CDH13: variants seen among roughly 807,000 people sequenced by gnomAD.
CDH13 encodes the protein cadherin 13.
CDH13 carries 24 observed loss-of-function variants against 63.8 expected under a neutral mutation model. The observed-to-expected ratio is 0.38, with a 90% CI of 0.27 to 0.53. The LOEUF (loss-of-function observed/expected upper bound fraction) is 0.53. Ranked by LOEUF, CDH13 falls within the 20% of genes least tolerant of loss-of-function variation. The probability of loss-of-function intolerance (pLI) is 0.85; values close to 1 mark genes in which losing one functional copy is unlikely to be tolerated. For missense variants in CDH13, 1,049 were observed against 903.1 expected (o/e 1.16, Z -2.07); for synonymous variants, 503 against 355.3 (o/e 1.42, Z -4.67).
At chr16:82,895,082 A>G (rs1315902957) in intron 2 of CDH13, among the ~76,000 whole-genome samples, 3 of 152,170 alleles carry the variant, frequency 2.0e-5, no homozygotes, top group African/African-American at 7.2e-5. Context: ...CACTCATTTT[A>G]AGGTGAACAA....
chr16:83,461,604 T>A (rs1284454767), intron 6 of CDH13, among the ~76,000 whole-genome samples: 1 of 152,204 alleles, frequency 6.6e-6, no homozygotes, highest in Non-Finnish European at 1.5e-5. Flanking sequence ...TGTACAAGTG[T>A]CTGCCCAGAG....
intron 10 of CDH13, among the ~76,000 whole-genome samples, chr16:83,742,195 C>G (rs1472824978): frequency 6.6e-6 from 1 of 152,224 alleles, no homozygotes; most frequent in Non-Finnish European, 1.5e-5. Flanking sequence ...TGGCCACTTG[C>G]CTGGAAGCTT....
chr16:83,442,958 G>A lies in CDH13; in HGVS notation c.782-43519G>A, dbSNP rs2072524790. The stretch of plus-strand genomic sequence containing the variant: ...CAGGGACTTATTTTAAGATCATATG[G>A]CTTTTCCTAAACAGCTGAATTATTT... On this transcript the variant is annotated intron_variant, in intron 6 of 13. Transcript: ENST00000567109. Among the ~76,000 whole-genome samples, 4 of 152,252 alleles carry A rather than the reference G, an allele frequency of 2.6e-5. No homozygotes were observed. In the South Asian group the frequency reaches 8.3e-4, roughly 32 times the overall value.
intron 5 of CDH13, among the ~76,000 whole-genome samples, chr16:83,303,534 T>G (rs1478252480): frequency 6.6e-6 from 1 of 152,220 alleles, no homozygotes; most frequent in African/African-American, 2.4e-5. Context: ...ATGTTTAATT[T>G]CCAGGCTCTT....
intron 1 of CDH13, among the ~76,000 whole-genome samples, chr16:82,659,658 T>A (rs963942222): frequency 2.6e-5 from 4 of 152,148 alleles, no homozygotes; most frequent in African/African-American, 9.7e-5. Flanking sequence ...CCAGGTACTG[T>A]GCGAGGCACT....
intron 10 of CDH13, among the ~76,000 whole-genome samples, chr16:83,743,748 C>CTTTTTTCTTTTTTTTTTTTTTTTTT (rs1912281994): frequency 2.6e-5 from 2 of 76,258 alleles, no homozygotes; most frequent in African/African-American, 1.1e-4. Context: ...TTTCTTTTTT[C>CTTTTTTCTTTTTTTTTTTTTTTTTT]TTTTTTTTTT....
chr16:83,169,768 C>A (rs72800267), intron 4 of CDH13, among the ~76,000 whole-genome samples: 24,502 of 151,990 alleles, frequency 0.16, 2,084 homozygotes, highest in South Asian at 0.19. Flanking sequence ...TTTTGAAATA[C>A]TGAATTTTTA....
At chr16:83,168,224 A>G (rs1458775468) in intron 4 of CDH13, among the ~76,000 whole-genome samples, 2 of 152,066 alleles carry the variant, frequency 1.3e-5, no homozygotes, top group South Asian at 2.1e-4. Flanking sequence ...AAATAAATAA[A>G]TGTGGTGCTT....
At chr16:83,189,251 C>T (rs779992983) in intron 4 of CDH13, among the ~76,000 whole-genome samples, 2 of 152,208 alleles carry the variant, frequency 1.3e-5, no homozygotes, top group Non-Finnish European at 2.9e-5. Context: ...CCCAGACCCT[C>T]AGCTGCAAGC....
At chr16:82,629,405 A>C (rs561769773) in intron 1 of CDH13, among the ~76,000 whole-genome samples, 1 of 152,236 alleles carries the variant, frequency 6.6e-6, no homozygotes, top group Non-Finnish European at 1.5e-5. Flanking sequence ...CCTCACAGAG[A>C]AATCATTTTG....
intron 3 of CDH13, among the ~76,000 whole-genome samples, chr16:83,078,802 G>GT (rs556481490): frequency 1.3e-4 from 20 of 151,822 alleles, no homozygotes; most frequent in South Asian, 1.3e-3. Context: ...TGGTTTTTTG[G>GT]TTTTTTTTGA....
At chr16:83,023,576 G>T (rs1328070746) in intron 2 of CDH13, among the ~76,000 whole-genome samples, 1 of 152,148 alleles carries the variant, frequency 6.6e-6, no homozygotes, top group African/African-American at 2.4e-5. Flanking sequence ...TCCACATGGT[G>T]TCATTCTGAG....
chr16:82,762,200 A>C (rs1012058381), intron 1 of CDH13, among the ~76,000 whole-genome samples: 4 of 152,194 alleles, frequency 2.6e-5, no homozygotes, highest in Admixed American at 1.3e-4. Flanking sequence ...CCCAAAGATG[A>C]AATGAAGAGG....
At chr16:83,631,784 A>G (rs1263445680) in intron 8 of CDH13, among the ~76,000 whole-genome samples, 1 of 152,156 alleles carries the variant, frequency 6.6e-6, no homozygotes, top group African/African-American at 2.4e-5. Flanking sequence ...CCCTGAATTA[A>G]ATCAGTCACT....
At chr16:82,653,306 C>G (rs542609945) in intron 1 of CDH13, among the ~76,000 whole-genome samples, 1 of 152,160 alleles carries the variant, frequency 6.6e-6, no homozygotes, top group East Asian at 1.9e-4. Context: ...GCTTTTGCAC[C>G]TTTTTGTAGT....
intron 7 of CDH13, among the ~76,000 whole-genome samples, chr16:83,499,462 G>C (rs1045065439): frequency 6.6e-6 from 1 of 152,208 alleles, no homozygotes; most frequent in African/African-American, 2.4e-5. Flanking sequence ...CCTTTCACCA[G>C]CCTTGTGCTA....
At chr16:82,968,028 A>T (rs1908115354) in intron 2 of CDH13, among the ~76,000 whole-genome samples, 1 of 152,186 alleles carries the variant, frequency 6.6e-6, no homozygotes, top group Non-Finnish European at 1.5e-5. Flanking sequence ...CGATTCTCTA[A>T]TGGCATGAGT....
intron 1 of CDH13, among the ~76,000 whole-genome samples, chr16:82,782,100 G>T (rs1597561361): frequency 6.6e-6 from 1 of 152,334 alleles, no homozygotes; most frequent in South Asian, 2.1e-4. Context: ...CCCATTTGTT[G>T]TTTGGTAGAA....
rs752654014 is a variant in CDH13 at position 83,779,951 on chromosome 16, T to C, written c.1682-17T>C. 1.1e-5 allele frequency: 18 copies of C among 1,580,926 alleles called. No individual in the cohort carries two copies. The highest frequency in any genetic ancestry group is 2.2e-5 in the South Asian group (2 of 89,882). ...CATATACCAGTTGCATACCAACATC[T>C]TCCCTTTTTCCCACAGGCAACCCTC... On this transcript the variant is annotated splice_polypyrimidine_tract_variant and intron_variant, in intron 11 of 13. Coordinates refer to ENST00000567109, the MANE Select transcript of CDH13 (RefSeq NM_001257.5).
Sources: gnomAD v4.1 joint callset for allele counts (sites outside exome capture counted in the v4.1 genomes callset) on GRCh38, gnomAD v4.1.1 for gene constraint, MANE v1.5 for transcripts, NCBI Gene and HGNC (gene_info 2026-07-23, HGNC 2026-07-21) for gene names.